AP4E1: variants seen among roughly 807,000 people sequenced by gnomAD.
AP4E1 encodes the protein AP-4 complex subunit epsilon-1.
A neutral mutation model predicts 128.2 loss-of-function variants in AP4E1; 56 were observed. That is an observed-to-expected ratio of 0.44 (90% CI 0.35 to 0.55). The LOEUF is 0.55. Among genes scored for constraint, AP4E1 ranks in the 20% least tolerant of loss-of-function variants. AP4E1 has a pLI of 0.00. For synonymous variants in AP4E1, 484 were observed against 473.1 expected (o/e 1.02, Z -0.30); for missense variants, 1,324 against 1,307.7 (o/e 1.01, Z -0.19).
At chr15:50,981,942 G>A (rs975703112) in intron 15 of AP4E1, among the ~76,000 whole-genome samples, 5 of 151,854 alleles carry the variant, frequency 3.3e-5, no homozygotes, top group African/African-American at 4.8e-5. Context: ...GAAATTAGCC[G>A]GGCATGCTGG....
intron 5 of AP4E1, among the ~76,000 whole-genome samples, chr15:50,928,762 A>G (rs1053034156): frequency 2.0e-5 from 3 of 151,666 alleles, no homozygotes; most frequent in Non-Finnish European, 2.9e-5. Context: ...TTACAAAAAA[A>G]AATTCCCTAA....
chr15:50,988,111 G>T (rs1403626223), intron 16 of AP4E1, among the ~76,000 whole-genome samples: 1 of 152,018 alleles, frequency 6.6e-6, no homozygotes, highest in African/African-American at 2.4e-5. Context: ...ATAAAATAAG[G>T]TGATTGATTT....
At chr15:50,964,626 G>C (rs1051912624) in intron 14 of AP4E1, among the ~76,000 whole-genome samples, 1 of 151,864 alleles carries the variant, frequency 6.6e-6, no homozygotes. Flanking sequence ...CCTTTTAGTA[G>C]GGAAAGACCT....
At chr15:50,964,854 T>C (rs1256082577) in intron 14 of AP4E1, among the ~76,000 whole-genome samples, 1 of 151,916 alleles carries the variant, frequency 6.6e-6, no homozygotes, top group African/African-American at 2.4e-5. Flanking sequence ...GGGAGTTGTT[T>C]GGGTTATGAA....
intron 16 of AP4E1, among the ~76,000 whole-genome samples, chr15:50,989,164 G>A (rs1300018380): frequency 2.0e-5 from 3 of 152,112 alleles, no homozygotes; most frequent in Non-Finnish European, 2.9e-5. Context: ...ATTCTGATGC[G>A]ACAGTAAAGT....
intron 15 of AP4E1, among the ~76,000 whole-genome samples, chr15:50,969,660 C>CTTTT (rs370228298): frequency 7.5e-6 from 1 of 133,978 alleles, no homozygotes; most frequent in African/African-American, 2.8e-5. Context: ...CAATATCTTT[C>CTTTT]TTTTTTTTTT....
intron 20 of AP4E1, among the ~76,000 whole-genome samples, chr15:51,001,444 A>G (rs2140939834): frequency 6.6e-6 from 1 of 152,316 alleles, no homozygotes; most frequent in Non-Finnish European, 1.5e-5. Context: ...AACTGTCACC[A>G]TCATCTATCT....
intron 3 of AP4E1, 109 bp from the exon 4 acceptor site, chr15:50,923,822 T>G: frequency 1.2e-6 from 1 of 805,732 alleles, no homozygotes; most frequent in South Asian, 1.5e-5. Context: ...TGTGTTTCTG[T>G]TTACTTGTAA....
At chr15:50,922,163 CA>C (rs34829950) in intron 3 of AP4E1, among the ~76,000 whole-genome samples, 58 of 79,726 alleles carry the variant, frequency 7.3e-4, no homozygotes, top group South Asian at 1.4e-3. Context: ...CCTATCTCTA[CA>C]AAAAAAAAAA....
chr15:50,972,834 TG>T (rs754986470), intron 15 of AP4E1, among the ~76,000 whole-genome samples: 19 of 152,274 alleles, frequency 1.2e-4, no homozygotes, highest in Non-Finnish European at 2.5e-4. Flanking sequence ...TGGCTGGCCT[TG>T]GGGATGGGGG....
At chr15:50,983,300 G>T (rs969711986) in intron 15 of AP4E1, among the ~76,000 whole-genome samples, 1 of 152,196 alleles carries the variant, frequency 6.6e-6, no homozygotes, top group Non-Finnish European at 1.5e-5. Flanking sequence ...AGGGGGAGAA[G>T]AAAGATTGTC....
rs865930148 is a variant in AP4E1, at chr15:50,980,622, C to T, written c.1967-3400C>T. 3.3e-5 allele frequency among the ~76,000 whole-genome samples: 5 copies of T among 152,144 alleles called. No homozygotes were observed. In the South Asian group the frequency reaches 1.0e-3, roughly 32 times the overall value. On this transcript the variant is annotated intron_variant, in intron 15 of 20. Transcript: ENST00000261842. ...GACATTGGGAGAGTGACACTAAAGG[C>T]ATTTCAGAGATCTCAGAGGCTGCCC...
intron 13 of AP4E1, among the ~76,000 whole-genome samples, chr15:50,952,697 T>C (rs1038418551): frequency 6.6e-6 from 1 of 152,166 alleles, no homozygotes; most frequent in East Asian, 1.9e-4. Context: ...TTTTAATTTA[T>C]AATGAACCCC....
intron 7 of AP4E1, among the ~76,000 whole-genome samples, chr15:50,934,073 T>C (rs1803711719): frequency 6.6e-6 from 1 of 150,774 alleles, no homozygotes; most frequent in Non-Finnish European, 1.5e-5. Context: ...TTATTCTTAC[T>C]GTAATCAGTG....
chr15:50,924,779 A>G lies in AP4E1; in HGVS notation c.421-319A>G, dbSNP rs142642077. Among the ~76,000 whole-genome samples the G allele has an allele frequency of 3.2e-4, 48 of 152,320 alleles. 2 individuals are homozygous for G. In the East Asian group the frequency reaches 3.3e-3, roughly 10 times the overall value. ...TCATATTATTGTTGATTAATAAGAA[A>G]AACTCATAAAATTGTTTTATTATTG... On this transcript the variant is annotated intron_variant, in intron 4 of 20. Transcript: ENST00000261842.
chr15:50,911,193 AT>A (rs1567204824), intron 1 of AP4E1, among the ~76,000 whole-genome samples: 1 of 152,174 alleles, frequency 6.6e-6, no homozygotes, highest in East Asian at 1.9e-4. Context: ...CCAAAAAAAA[AT>A]GGGGCCAATT....
intron 5 of AP4E1, 62 bp from the exon 6 acceptor site, chr15:50,928,947 C>A: frequency 6.5e-7 from 1 of 1,537,618 alleles, no homozygotes; most frequent in African/African-American, 1.4e-5. Flanking sequence ...GGCCTATAAT[C>A]TTTCAAAGTA....
Position 50,925,387 on chromosome 15 carries a change from G to A in AP4E1, c.542+168G>A, listed in dbSNP as rs1031568529. ...CATCTTTATTTTTATGTGGGTTTAG[G>A]GAAATGTTAGACAGCTTTCTAAAGT... is the stretch of plus-strand genomic sequence containing the variant. On this transcript the variant is annotated intron_variant, in intron 5 of 20. Coordinates refer to ENST00000261842, the MANE Select transcript of AP4E1 (RefSeq NM_007347.5). 4.6e-5 allele frequency among the ~76,000 whole-genome samples: 7 copies of A among 152,166 alleles called. No homozygotes were observed. In the South Asian group the frequency reaches 6.2e-4, roughly 14 times the overall value.
chr15:50,966,535 T>A (rs2064395873), intron 14 of AP4E1, among the ~76,000 whole-genome samples: 1 of 147,308 alleles, frequency 6.8e-6, no homozygotes, highest in African/African-American at 2.5e-5. Flanking sequence ...AAGAATCTTT[T>A]TTTTTTTTTT....
Sources: allele counts gnomAD v4.1 joint callset (sites outside exome capture counted in the v4.1 genomes callset), GRCh38; gene constraint gnomAD v4.1.1; transcripts MANE v1.5; gene names NCBI Gene and HGNC (gene_info 2026-07-23, HGNC 2026-07-21).